Variants in PRKG1 observed in about 807,000 individuals in gnomAD.
PRKG1 encodes cGMP-dependent protein kinase 1.
Under a neutral mutation model 88.1 loss-of-function variants are expected in PRKG1, and 35 were observed. That is an observed-to-expected ratio of 0.40 (90% CI 0.30 to 0.53). PRKG1 has a LOEUF of 0.53. Ranked by LOEUF, PRKG1 falls within the 20% of genes least tolerant of loss-of-function variation. PRKG1 has a pLI of 0.59. For synonymous variants in PRKG1, 303 were observed against 292.5 expected (o/e 1.04, Z -0.37); for missense variants, 540 against 839.8 (o/e 0.64, Z 4.41).
At chr10:51,293,412 C>A (rs1326541071) in intron 2 of PRKG1, among the ~76,000 whole-genome samples, 1 of 152,150 alleles carries the variant, frequency 6.6e-6, no homozygotes, top group Non-Finnish European at 1.5e-5. Flanking sequence ...CACCATTCTA[C>A]TCTCATCTCT....
intron 1 of PRKG1, among the ~76,000 whole-genome samples, chr10:51,144,892 T>C (rs1845905230): frequency 6.6e-6 from 1 of 152,188 alleles, no homozygotes; most frequent in East Asian, 1.9e-4. Flanking sequence ...AGTGTACACT[T>C]TGGGATAAGG....
intron 3 of PRKG1, among the ~76,000 whole-genome samples, chr10:51,708,585 T>C (rs1032644106): frequency 2.0e-5 from 3 of 152,218 alleles, no homozygotes; most frequent in Non-Finnish European, 2.9e-5. Context: ...TTTCCTCTGT[T>C]GAAGGATCAG....
chr10:51,249,176 A>G (rs1839367378), intron 2 of PRKG1, among the ~76,000 whole-genome samples: 1 of 151,746 alleles, frequency 6.6e-6, no homozygotes, highest in Non-Finnish European at 1.5e-5. Flanking sequence ...TCTACAAAAA[A>G]CTAGGGGCAA....
At chr10:52,271,532 G>T in intron 11 of PRKG1, 43 bp downstream of exon 11, 2 of 1,590,450 alleles carry the variant, frequency 1.3e-6, no homozygotes, top group South Asian at 2.3e-5. Flanking sequence ...AACTCCAAGT[G>T]ACAAATCCAC....
chr10:51,962,886 G>A (rs141711181), intron 5 of PRKG1, among the ~76,000 whole-genome samples: 21 of 152,248 alleles, frequency 1.4e-4, no homozygotes, highest in African/African-American at 4.6e-4. Context: ...AATTTAATCG[G>A]TGAGATGAGT....
intron 3 of PRKG1, among the ~76,000 whole-genome samples, chr10:51,610,997 A>G (rs974003491): frequency 6.6e-5 from 10 of 152,074 alleles, no homozygotes; most frequent in Non-Finnish European, 1.2e-4. Context: ...ACCATGGCAC[A>G]TATATACCTA....
At chr10:52,030,373 T>C (rs1845445794) in intron 5 of PRKG1, among the ~76,000 whole-genome samples, 1 of 152,204 alleles carries the variant, frequency 6.6e-6, no homozygotes, top group African/African-American at 2.4e-5. Context: ...GGATTTCTTG[T>C]TGTATACCTT....
At chr10:51,134,443 C>A (rs1036008647) in intron 1 of PRKG1, among the ~76,000 whole-genome samples, 1 of 152,108 alleles carries the variant, frequency 6.6e-6, no homozygotes, top group African/African-American at 2.4e-5. Flanking sequence ...CCTTTTACTT[C>A]TTTGAAAAAT....
At chr10:52,049,966 A>T (rs1479265492) in intron 5 of PRKG1, among the ~76,000 whole-genome samples, 1 of 152,156 alleles carries the variant, frequency 6.6e-6, no homozygotes, top group East Asian at 1.9e-4. Flanking sequence ...AGAAAAGGGC[A>T]ATGAAATAGA....
rs138683529 is a variant in PRKG1 at position 51,428,301 on chromosome 10, A to G, written c.479-39422A>G. Among the ~76,000 whole-genome samples the G allele has an allele frequency of 3.2e-3, 486 of 152,318 alleles. 5 individuals carry two copies. The highest frequency in any genetic ancestry group is 0.03 in the Admixed American group (460 of 15,294). ...ATCCTGGCAATCTCAAAAAGCCTCA[A>G]TGAGTTAACTCTTATTCCCTGGTCT... On this transcript the variant is annotated intron_variant, in intron 2 of 17. Coordinates refer to ENST00000373980, the MANE Select transcript of PRKG1 (RefSeq NM_006258.4).
chr10:51,736,463 C>G (rs865815543), intron 3 of PRKG1, among the ~76,000 whole-genome samples: 2 of 152,130 alleles, frequency 1.3e-5, no homozygotes, highest in African/African-American at 4.8e-5. Context: ...TATTATGAAA[C>G]ATTTCAAACA....
In PRKG1 at chr10:51,081,770, T is replaced by C. The variant is rs78995096; in HGVS notation, c.311+6869T>C. On this transcript the variant is annotated intron_variant, in intron 1 of 17. Transcript: ENST00000373980. ...ATTGATTGAATGATTGATTGATTGA[T>C]TGAGACAGGTTCTTTCTGTCTTATT... Among the ~76,000 whole-genome samples, 1,426 of 152,302 alleles carry C rather than the reference T, an allele frequency of 9.4e-3. 24 individuals are homozygous for C. Among genetic ancestry groups the C allele is most frequent in the East Asian group, 0.027 (139 of 5,188 alleles).
At chr10:51,816,535 GCA>G (rs1589314310) in intron 4 of PRKG1, among the ~76,000 whole-genome samples, 2 of 93,616 alleles carry the variant, frequency 2.1e-5, no homozygotes, top group Admixed American at 1.4e-4. Flanking sequence ...TATAATTTTG[GCA>G]TGTGTGTGTG....
intron 5 of PRKG1, among the ~76,000 whole-genome samples, chr10:51,979,498 G>A (rs186600304): frequency 5.5e-4 from 79 of 144,744 alleles, no homozygotes; most frequent in African/African-American, 1.6e-3. Context: ...GAGTTAGGGA[G>A]GGGTCCTTCC....
intron 2 of PRKG1, among the ~76,000 whole-genome samples, chr10:51,409,385 G>T (rs778748900): frequency 6.6e-6 from 1 of 152,130 alleles, no homozygotes; most frequent in Non-Finnish European, 1.5e-5. Context: ...GCTCGAGCCT[G>T]ATCACATGTA....
intron 3 of PRKG1, among the ~76,000 whole-genome samples, chr10:51,787,259 A>G (rs906886587): frequency 6.6e-6 from 1 of 152,184 alleles, no homozygotes; most frequent in African/African-American, 2.4e-5. Flanking sequence ...TTTTGTTCAA[A>G]TGGCTTCAAG....
intron 2 of PRKG1, among the ~76,000 whole-genome samples, chr10:51,411,597 G>T (rs1328378631): frequency 6.6e-6 from 1 of 152,126 alleles, no homozygotes; most frequent in East Asian, 1.9e-4. Context: ...CATCATTCCT[G>T]TCTGTATCTG....
chr10:51,406,536 C>T (rs1176097001), intron 2 of PRKG1, among the ~76,000 whole-genome samples: 1 of 151,430 alleles, frequency 6.6e-6, no homozygotes, highest in African/African-American at 2.4e-5. Flanking sequence ...GACCCAGATT[C>T]TCTATATGGA....
intron 7 of PRKG1, among the ~76,000 whole-genome samples, chr10:52,079,738 A>C (rs966473668): frequency 1.3e-5 from 2 of 152,346 alleles, no homozygotes; most frequent in South Asian, 4.1e-4. Context: ...ACCTATTGCC[A>C]TATGGTTATG....
Sources: allele counts gnomAD v4.1 joint callset (sites outside exome capture counted in the v4.1 genomes callset), GRCh38; gene constraint gnomAD v4.1.1; transcripts MANE v1.5; gene names NCBI Gene and HGNC (gene_info 2026-07-23, HGNC 2026-07-21).